Variants in TAFA4 observed in about 807,000 individuals in gnomAD.
TAFA4 encodes TAFA chemokine like family member 4, also known as chemokine-like protein TAFA-4.
Under a neutral mutation model 21.1 loss-of-function variants are expected in TAFA4, and 20 were observed. That is an observed-to-expected ratio of 0.95 (90% confidence interval 0.67 to 1.38). TAFA4 has a LOEUF of 1.38. Among genes scored for constraint, TAFA4 ranks in the 40% most tolerant of loss-of-function variants. The probability of loss-of-function intolerance (pLI) is 0.00; values close to 1 mark genes in which losing one functional copy is unlikely to be tolerated. For synonymous variants in TAFA4, 71 were observed against 67.4 expected (o/e 1.05, Z -0.26); for missense variants, 211 against 180.9 (o/e 1.17, Z -0.95).
chr3:68,890,284 T>C (rs1575659980), intron 1 of TAFA4, among the ~76,000 whole-genome samples: 1 of 152,186 alleles, frequency 6.6e-6, no homozygotes, highest in Non-Finnish European at 1.5e-5. Context: ...ACAAGGTATA[T>C]GGGAATTCTT....
intron 1 of TAFA4, among the ~76,000 whole-genome samples, chr3:68,886,157 C>A (rs951055980): frequency 6.6e-6 from 1 of 152,100 alleles, no homozygotes; most frequent in Non-Finnish European, 1.5e-5. Flanking sequence ...TCCTGTAGAA[C>A]CAATTAAGAA....
At chr3:68,907,135 G>C (rs1419424912) in intron 1 of TAFA4, among the ~76,000 whole-genome samples, 1 of 151,596 alleles carries the variant, frequency 6.6e-6, no homozygotes, top group Admixed American at 6.6e-5. Context: ...ATCATGAAAA[G>C]GTTTCAATAA....
intron 3 of TAFA4, among the ~76,000 whole-genome samples, chr3:68,783,662 AC>A (rs1703188732): frequency 1.4e-5 from 1 of 69,178 alleles, no homozygotes; most frequent in Admixed American, 1.5e-4. Flanking sequence ...AAAATCACAG[AC>A]ACACACACAC....
chr3:68,755,359 A>G (rs544426698), intron 3 of TAFA4, among the ~76,000 whole-genome samples: 1 of 152,362 alleles, frequency 6.6e-6, no homozygotes, highest in South Asian at 2.1e-4. Flanking sequence ...TAGAACAAAG[A>G]GTGAATGTAG....
intron 3 of TAFA4, among the ~76,000 whole-genome samples, chr3:68,859,125 T>C (rs1019242510): frequency 6.6e-6 from 1 of 152,114 alleles, no homozygotes; most frequent in Admixed American, 6.5e-5. Context: ...TTTCACACAA[T>C]GCAACCAATT....
At chr3:68,846,881 T>C (rs1704814823) in intron 3 of TAFA4, among the ~76,000 whole-genome samples, 1 of 152,050 alleles carries the variant, frequency 6.6e-6, no homozygotes, top group South Asian at 2.1e-4. Flanking sequence ...TGCCTGTTCC[T>C]TCCTCTGGAA....
chr3:68,837,147 G>A (rs1395217674), intron 3 of TAFA4, among the ~76,000 whole-genome samples: 3 of 152,180 alleles, frequency 2.0e-5, no homozygotes, highest in Admixed American at 6.5e-5. Flanking sequence ...GGCCCTCAAA[G>A]CCTAACAATT....
At chr3:68,889,071 C>T (rs2089705176) in intron 1 of TAFA4, among the ~76,000 whole-genome samples, 1 of 152,192 alleles carries the variant, frequency 6.6e-6, no homozygotes, top group African/African-American at 2.4e-5. Context: ...TATCAGTCTG[C>T]TTCAAAAGTC....
At chr3:68,864,936 C>G (rs1472423890) in intron 3 of TAFA4, among the ~76,000 whole-genome samples, 8 of 151,972 alleles carry the variant, frequency 5.3e-5, no homozygotes, top group Non-Finnish European at 7.4e-5. Flanking sequence ...AAAAAAAAAT[C>G]TGTGGTTGCC....
chr3:68,847,474 T>A (rs546865947), intron 3 of TAFA4, among the ~76,000 whole-genome samples: 4 of 152,366 alleles, frequency 2.6e-5, no homozygotes, highest in Non-Finnish European at 5.9e-5. Context: ...TGGGATCCAC[T>A]GAACTAGACC....
At chr3:68,783,671 CACAGAGAG>C (rs1476429307) in intron 3 of TAFA4, among the ~76,000 whole-genome samples, 5 of 96,242 alleles carry the variant, frequency 5.2e-5, no homozygotes, top group East Asian at 4.0e-4. Context: ...GACACACACA[CACAGAGAG>C]AGAGAGAGAG....
intron 3 of TAFA4, among the ~76,000 whole-genome samples, chr3:68,871,787 G>A (rs1233320964): frequency 6.6e-6 from 1 of 151,920 alleles, no homozygotes; most frequent in Non-Finnish European, 1.5e-5. Flanking sequence ...ATGACCAACA[G>A]GTATATGAAA....
intron 4 of TAFA4, among the ~76,000 whole-genome samples, chr3:68,752,431 C>G (rs1023005207): frequency 3.3e-5 from 5 of 152,282 alleles, no homozygotes; most frequent in African/African-American, 1.2e-4. Flanking sequence ...AAGAGACTGT[C>G]CTATAAATGT....
intron 1 of TAFA4, among the ~76,000 whole-genome samples, chr3:68,892,729 T>C (rs1050760215): frequency 6.6e-6 from 1 of 152,202 alleles, no homozygotes; most frequent in Non-Finnish European, 1.5e-5. Flanking sequence ...AGCATCTTCA[T>C]TTAAGTGCAC....
chr3:68,803,317 G>A (rs1037501654), intron 3 of TAFA4, among the ~76,000 whole-genome samples: 1 of 152,148 alleles, frequency 6.6e-6, no homozygotes, highest in Non-Finnish European at 1.5e-5. Context: ...ACTGCTGCCT[G>A]GTTCCACTTG....
chr3:68,822,717 C>A (rs1019717433), intron 3 of TAFA4, among the ~76,000 whole-genome samples: 1 of 152,170 alleles, frequency 6.6e-6, no homozygotes, highest in Non-Finnish European at 1.5e-5. Flanking sequence ...AGCCATCCAC[C>A]CGCCTCAGCC....
intron 3 of TAFA4, among the ~76,000 whole-genome samples, chr3:68,768,662 A>G (rs1702899899): frequency 6.6e-6 from 1 of 152,224 alleles, no homozygotes; most frequent in Admixed American, 6.5e-5. Flanking sequence ...CTGCAATAGC[A>G]TGAAGAATCA....
chr3:68,859,034 A>T (rs147847515), intron 3 of TAFA4, among the ~76,000 whole-genome samples: 218 of 151,824 alleles, frequency 1.4e-3, no homozygotes, highest in Admixed American at 4.2e-3. Context: ...GCTGCAGAGG[A>T]CTGCTACAAA....
In TAFA4 at chr3:68,932,344, C is replaced by A. The variant is rs1411891219; in HGVS notation, c.-227G>T. ...CACCGTGCCGCCTCCCCGCGGGAGC[C>A]CCGGGAGCGGCCCATCACCTCTGCA... On this transcript the variant is annotated 5_prime_UTR_variant, in exon 1 of 6. Coordinates refer to ENST00000295569, the MANE Select transcript of TAFA4 (RefSeq NM_182522.5). The A allele has an allele frequency of 6.6e-6, 1 of 152,440 alleles. No individual in the cohort carries two copies. The highest frequency in any genetic ancestry group is 1.5e-5 in the Non-Finnish European group (1 of 68,210). The allele number at this position is 152,440 out of a possible 1,614,324, so 9.4% of individuals were successfully genotyped here. A position where few individuals can be genotyped will look rare whatever the true frequency, so the allele number is the denominator to read the frequency against.
Sources: allele counts gnomAD v4.1 joint callset (sites outside exome capture counted in the v4.1 genomes callset), GRCh38; gene constraint gnomAD v4.1.1; transcripts MANE v1.5; gene names NCBI Gene and HGNC (gene_info 2026-07-23, HGNC 2026-07-21).